The following CNTFR variants were observed in gnomAD, a reference collection of about 807,000 sequenced individuals.
CNTFR encodes the protein ciliary neurotrophic factor receptor subunit alpha.
In CNTFR, 12 loss-of-function variants were observed where a neutral mutation model predicts 40.4. The observed-to-expected ratio is 0.30, with a 90% CI of 0.19 to 0.48. The LOEUF (loss-of-function observed/expected upper bound fraction) is 0.48. Ranked by LOEUF, CNTFR falls within the 20% of genes least tolerant of loss-of-function variation. The pLI, the probability that CNTFR is intolerant of heterozygous loss-of-function variation, is 0.99. For synonymous variants in CNTFR, 202 were observed against 209.6 expected (o/e 0.96, Z 0.31); for missense variants, 414 against 506.8 (o/e 0.82, Z 1.76).
Position 34,551,741 on chromosome 9 carries a change from G to A in CNTFR, c.*330C>T, listed in dbSNP as rs1483639162. The A allele has an allele frequency of 1.3e-5, 7 of 530,702 alleles. No homozygotes were observed. The highest frequency in any genetic ancestry group is 4.1e-5 in the South Asian group (2 of 48,470). The allele number at this position is 530,702 out of a possible 1,614,324, so 32.9% of individuals were successfully genotyped here. Reference sequence around the variant, plus strand: ...GGAGGCTGGGGCAGGAGGAGAAATCGGATGTGAGAGGCTCCCCTCACGTCC... The same window carrying A: ...GGAGGCTGGGGCAGGAGGAGAAATCAGATGTGAGAGGCTCCCCTCACGTCC... On this transcript the variant is annotated 3_prime_UTR_variant, in exon 10 of 10. Coordinates refer to ENST00000378980, the MANE Select transcript of CNTFR (RefSeq NM_147164.3).
chr9:34,558,244 C>G (rs1587125084), intron 4 of CNTFR, among the ~76,000 whole-genome samples: 1 of 152,318 alleles, frequency 6.6e-6, no homozygotes, highest in East Asian at 1.9e-4. Context: ...CCGTGGGGAG[C>G]AGGGGGCTGC....
At chr9:34,558,237 TGGGGAGCAGG>T (rs1183454187) in intron 4 of CNTFR, among the ~76,000 whole-genome samples, 1 of 152,082 alleles carries the variant, frequency 6.6e-6, no homozygotes, top group Non-Finnish European at 1.5e-5. Flanking sequence ...GCAGGAACCG[TGGGGAGCAGG>T]GGGCTGCGGG....
intron 2 of CNTFR, among the ~76,000 whole-genome samples, chr9:34,573,859 G>C (rs1264867291): frequency 6.6e-6 from 1 of 152,234 alleles, no homozygotes; most frequent in Non-Finnish European, 1.5e-5. Flanking sequence ...AGAGGAATTA[G>C]GTTGGAGCAG....
At chr9:34,588,757 A>G (rs1827650518) in intron 1 of CNTFR, among the ~76,000 whole-genome samples, 1 of 152,126 alleles carries the variant, frequency 6.6e-6, no homozygotes, top group Admixed American at 6.5e-5. Flanking sequence ...GGCTCGGGAG[A>G]GGAGAGGAGC....
At chr9:34,574,653 A>G (rs566261639) in intron 2 of CNTFR, among the ~76,000 whole-genome samples, 23 of 152,304 alleles carry the variant, frequency 1.5e-4, no homozygotes, top group Admixed American at 2.6e-4. Context: ...AGGCGGCCCA[A>G]TTGAGTGAGT....
Position 34,552,864 on chromosome 9 carries a change from G to T in CNTFR, c.769-10C>A. 1 of 1,608,386 alleles carries T rather than the reference G, an allele frequency of 6.2e-7. No homozygotes were observed. Among genetic ancestry groups the T allele is most frequent in the South Asian group, 1.1e-5 (1 of 90,860 alleles). On this transcript the variant is annotated splice_polypyrimidine_tract_variant and intron_variant, in intron 7 of 9. Coordinates refer to ENST00000378980, the MANE Select transcript of CNTFR (RefSeq NM_147164.3). The surrounding 1 kb of genome is among the most constrained non-coding windows in gnomAD (Gnocchi z 5.1). The stretch of plus-strand genomic sequence containing the variant: ...CGTCGGACAGCTCCACCTGCAGCCA[G>T]ACCATGGGGTGGGGGTAAGGACACA...
At position 34,589,604 on chromosome 9, in the gene CNTFR, G is replaced by C. The variant is rs1168152205; in HGVS notation, c.-161C>G. 6.6e-6 allele frequency: 1 copy of C among 151,714 alleles called. No homozygotes were observed. Among genetic ancestry groups the C allele is most frequent in the African/African-American group, 2.4e-5 (1 of 41,096 alleles). 9.4% of individuals were successfully genotyped at this position (151,714 alleles called of 1,614,324 possible). ...CGCGCCGCGCCTTCCGACCGCCCCC[G>C]GCAGCGAGCGAGGCAGGGAGCGCGG... On this transcript the variant is annotated 5_prime_UTR_variant, in exon 1 of 10. Transcript: ENST00000378980. The surrounding 1 kb of genome is among the most constrained non-coding windows in gnomAD (Gnocchi z 4.4).
At position 34,552,601 on chromosome 9, in the gene CNTFR, G is replaced by A; in HGVS notation, c.949+73C>T. On this transcript the variant is annotated intron_variant, in intron 8 of 9. Coordinates refer to ENST00000378980, the MANE Select transcript of CNTFR (RefSeq NM_147164.3). The surrounding 1 kb of genome is among the most constrained non-coding windows in gnomAD (Gnocchi z 5.1). ...AGCAGAGGCTGGAGGCAGCAGGGTA[G>A]AACCAGGCCACAGGTTCTACCACAG... is the stretch of plus-strand genomic sequence containing the variant. The A allele has an allele frequency of 2.0e-6, 3 of 1,493,736 alleles. No homozygotes were observed. Among genetic ancestry groups the A allele is most frequent in the Non-Finnish European group, 2.7e-6 (3 of 1,107,984 alleles). The allele number at this position is 1,493,736 out of a possible 1,614,324, so 92.5% of individuals were successfully genotyped here.
chr9:34,559,597 C>T (rs1381442701), intron 4 of CNTFR, among the ~76,000 whole-genome samples: 3 of 151,886 alleles, frequency 2.0e-5, no homozygotes, highest in South Asian at 2.1e-4. Context: ...TGTCTGCCCA[C>T]GGGTGCAGAA....
At chr9:34,590,570 C>G (rs1372487861), upstream of CNTFR, among the ~76,000 whole-genome samples, 1 of 152,238 alleles carries the variant, frequency 6.6e-6, no homozygotes, top group Non-Finnish European at 1.5e-5. Context: ...CCTCCAGTGT[C>G]TCCGATGACA....
At chr9:34,581,657 C>G (rs932037724) in intron 1 of CNTFR, among the ~76,000 whole-genome samples, 6 of 152,206 alleles carry the variant, frequency 3.9e-5, no homozygotes, top group African/African-American at 1.4e-4. Flanking sequence ...GTGTTTGGCA[C>G]TTTATATGCA....
chr9:34,560,836 C>T (rs774074330), intron 4 of CNTFR, among the ~76,000 whole-genome samples: 7 of 152,244 alleles, frequency 4.6e-5, no homozygotes, highest in Non-Finnish European at 8.8e-5. Context: ...CGTGTGCCCC[C>T]ACTGGCCCAG....
At position 34,552,266 on chromosome 9, in the gene CNTFR, C is replaced by T; in HGVS notation, c.1013G>A (p.Gly338Glu). The stretch of plus-strand genomic sequence containing the variant: ...GGGTCCCCCGCCGCTGCCCAGCTCC[C>T]CAGGGTCACAGATCTTCGTGGTAGG... ...PPPTTKICDP[G>E]ELGSGGGPSA... The change falls in exon 9 of 10, where the codon GGG becomes GAG. Residue 338 changes from glycine (G) to glutamate (E), a missense_variant. By Grantham distance (98) the Gly-to-Glu change is moderately conservative. Coordinates refer to ENST00000378980, the MANE Select transcript of CNTFR (RefSeq NM_147164.3). The surrounding 1 kb of genome is among the most constrained non-coding windows in gnomAD (Gnocchi z 5.1). The T allele has an allele frequency of 6.4e-7, 1 of 1,550,802 alleles. No homozygotes were observed. The highest frequency in any genetic ancestry group is 8.7e-7 in the Non-Finnish European group (1 of 1,149,128).
Position 34,564,625 on chromosome 9 carries a change from C to A in CNTFR, c.293G>T (p.Arg98Leu). 8 of 1,611,772 alleles carry A rather than the reference C, an allele frequency of 5.0e-6. No individual in the cohort carries two copies. The highest frequency in any genetic ancestry group is 1.7e-5 in the Admixed American group (1 of 59,718). ...ACFHRDSWHL[R>L]HQVLLHVGLP... ...GCCCACATGCAGCAGGACTTGGTGG[C>A]GCAGGTGCCAGGAGTCACGGTGGAA... Residue 98 changes from arginine (R) to leucine (L), a missense_variant, in exon 4 of 10, where the codon CGC (arginine) becomes CTC (leucine). Arg to Leu is a moderately radical substitution (Grantham distance 102, BLOSUM62 -2). This residue lies in a region of CNTFR where 250 missense variants were observed against 269.5 expected (regional missense o/e 0.93). Transcript: ENST00000378980.
intron 2 of CNTFR, among the ~76,000 whole-genome samples, chr9:34,575,659 T>TCA (rs1252572864): frequency 1.3e-5 from 2 of 149,966 alleles, no homozygotes; most frequent in Admixed American, 6.6e-5. Context: ...GCAAGCAAGC[T>TCA]CACACACACA....
chr9:34,581,821 A>T (rs13290451), intron 1 of CNTFR, among the ~76,000 whole-genome samples: 60,375 of 152,020 alleles, frequency 0.4, 13,219 homozygotes, highest in East Asian at 0.52. Context: ...TCTAGTTCCA[A>T]AACCTTGCTG....
At chr9:34,581,780 A>T (rs1827299098) in intron 1 of CNTFR, among the ~76,000 whole-genome samples, 1 of 152,224 alleles carries the variant, frequency 6.6e-6, no homozygotes, top group South Asian at 2.1e-4. Context: ...CACAGAGCTG[A>T]TCAGTTCCAG....
intron 2 of CNTFR, among the ~76,000 whole-genome samples, chr9:34,575,292 G>A (rs1004879128): frequency 3.9e-5 from 6 of 152,160 alleles, no homozygotes; most frequent in African/African-American, 1.4e-4. Context: ...ACACACACCA[G>A]TTAGGCTAAG....
chr9:34,585,859 T>TC (rs1406370586), intron 1 of CNTFR, among the ~76,000 whole-genome samples: 1 of 152,040 alleles, frequency 6.6e-6, no homozygotes, highest in Non-Finnish European at 1.5e-5. Context: ...GCACACATGG[T>TC]CCCCCCTAAC....
Sources: gnomAD v4.1 joint callset for allele counts (sites outside exome capture counted in the v4.1 genomes callset) on GRCh38, gnomAD v4.1.1 for gene constraint, gnomAD v4.1.1 regional missense constraint, Gnocchi (gnomAD v3.1) non-coding constraint, MANE v1.5 for transcripts, NCBI Gene and HGNC (gene_info 2026-07-23, HGNC 2026-07-21) for gene names.